FN1: variants seen among roughly 807,000 people sequenced by gnomAD.
FN1 encodes the protein fibronectin.
In FN1, 106 loss-of-function variants were observed where a neutral mutation model predicts 297.3. The observed-to-expected ratio is 0.36, with a 90% CI of 0.30 to 0.42. The LOEUF is 0.42. Ranked by LOEUF, FN1 falls within the 10% of genes least tolerant of loss-of-function variation. FN1 has a pLI of 1.00. For synonymous variants in FN1, 1,149 were observed against 1,152.6 expected (o/e 1.00, Z 0.06); for missense variants, 2,690 against 3,124.9 (o/e 0.86, Z 3.32).
At chr2:215,366,210 A>G (rs1166183766) in intron 42 of FN1, among the ~76,000 whole-genome samples, 6 of 152,102 alleles carry the variant, frequency 3.9e-5, no homozygotes, top group Non-Finnish European at 7.4e-5. Context: ...TTCTGCCACA[A>G]TCATGTCATC....
rs774454208 is a variant in FN1, at chr2:215,404,492, C to T, written c.3150G>A (p.Lys1050=). 80 of 1,613,926 alleles carry T rather than the reference C, an allele frequency of 5.0e-5. No individual in the cohort carries two copies. Among genetic ancestry groups the T allele is most frequent in the East Asian group, 1.1e-4 (5 of 44,892 alleles). ...RQYNVGPSVS[K]YPLRNLQPAS... is the part of the protein sequence containing the mutation. ...CAGGCTGCAGATTCCTCAGTGGGTA[C>T]TTGGAGACAGAGGGACCCACATTGT... Residue 1050 remains lysine (K), a synonymous_variant, in exon 20 of 46, where the codon AAG becomes AAA. Transcript: ENST00000354785.
chr2:215,423,547 C>G (rs755409160), intron 8 of FN1, 21 bp from the exon 9 acceptor site: 13 of 1,612,274 alleles, frequency 8.1e-6, no homozygotes, highest in Non-Finnish European at 9.3e-6. Context: ...CAATACACAA[C>G]AAAGAAGGAA....
chr2:215,432,098 G>T, intron 3 of FN1, 134 bp from the exon 4 acceptor site: 1 of 1,005,182 alleles, frequency 9.9e-7, no homozygotes, highest in Admixed American at 2.0e-5. Flanking sequence ...TCAGAGACAG[G>T]GGAAACGTTA....
At position 215,376,672 on chromosome 2, in the gene FN1, C is replaced by T; in HGVS notation, c.5713G>A (p.Val1905Ile). The T allele has an allele frequency of 6.2e-7, 1 of 1,613,700 alleles. No homozygotes were observed. The change falls in exon 36 of 46, where the codon GTC becomes ATC. Residue 1905 changes from valine (V) to isoleucine (I), a missense_variant and splice_region_variant. This residue lies in a region of FN1 where 1,743 missense variants were observed against 1,945.2 expected (regional missense o/e 0.90). Coordinates refer to ENST00000354785, the MANE Select transcript of FN1 (RefSeq NM_212482.4). ...ACACGAGCCCTTCTTGGTGGGCTGACATCTGCACAGGAGCATAGCTAGAGA... is the reference window on the plus strand; with the variant it reads ...ACACGAGCCCTTCTTGGTGGGCTGATATCTGCACAGGAGCATAGCTAGAGA... ...AQGVVTTLENVSPPRRARVTD... is the reference protein window; with the variant it reads ...AQGVVTTLENISPPRRARVTD...
intron 8 of FN1, among the ~76,000 whole-genome samples, 184 bp downstream of exon 8, chr2:215,423,962 A>C (rs934519646): frequency 2.0e-5 from 3 of 152,180 alleles, no homozygotes; most frequent in Non-Finnish European, 4.4e-5. Flanking sequence ...ATTTCCCAAC[A>C]GTACTGGGGA....
Position 215,430,082 on chromosome 2 carries a change from G to C in FN1, c.685+633C>G, listed in dbSNP as rs185286754. 2.0e-5 allele frequency among the ~76,000 whole-genome samples: 3 copies of C among 152,300 alleles called. No homozygotes were observed. In the East Asian group the frequency reaches 5.8e-4, roughly 29 times the overall value. ...GAATTTGGATGATGGCTATGTTAAA[G>C]GTAGTTAAATGGGTTCAGCTAGATA... On this transcript the variant is annotated intron_variant, in intron 5 of 45. Coordinates refer to ENST00000354785, the MANE Select transcript of FN1 (RefSeq NM_212482.4).
chr2:215,401,228 AAG>A (rs1491517601), intron 20 of FN1, among the ~76,000 whole-genome samples: 1 of 64,964 alleles, frequency 1.5e-5, no homozygotes, highest in Non-Finnish European at 3.5e-5. Flanking sequence ...GAAAGAAAGA[AAG>A]AAAGAAAGAA....
intron 25 of FN1, 192 bp downstream of exon 25, chr2:215,392,739 A>G (rs1209103106): frequency 4.6e-6 from 3 of 649,120 alleles, no homozygotes; most frequent in South Asian, 1.8e-5. Context: ...GAGTGTACTG[A>G]AGAATACTTG....
Position 215,371,898 on chromosome 2 carries a change from C to T in FN1, c.6714+11G>A, listed in dbSNP as rs749333751. On this transcript the variant is annotated intron_variant, in intron 40 of 45. Transcript: ENST00000354785. ...GCTGCCCCATGAGAAGTGAAGAGAA[C>T]AATTAATTACCTGTAAGGGTTCTTC... The T allele has an allele frequency of 6.2e-7, 1 of 1,603,268 alleles. No homozygotes were observed. Among genetic ancestry groups the T allele is most frequent in the South Asian group, 1.1e-5 (1 of 90,884 alleles).
chr2:215,383,538 TG>T, intron 30 of FN1, 55 bp from the exon 31 acceptor site: 1 of 1,576,136 alleles, frequency 6.3e-7, no homozygotes, highest in Non-Finnish European at 8.7e-7. Flanking sequence ...GAGACAAGAT[TG>T]GACAAGTCCT....
In FN1 at chr2:215,393,183, G is replaced by C; in HGVS notation, c.3817C>G (p.Leu1273Val). The change falls in exon 25 of 46, where the codon CTA becomes GTA. Residue 1273 changes from leucine to valine, a missense_variant. Around this residue, in one of 3 missense-constraint regions of FN1, gnomAD observed 1,743 missense variants for 1,945.2 expected, o/e 0.90. Transcript: ENST00000354785. ...GAATCGGTTATATCAACAAAGCTTA[G>C]GTCAGTGAGTTGGGGCACCTCTATT... Reference protein sequence around the residue: ...IIPEVPQLTDLSFVDITDSSI... With the variant: ...IIPEVPQLTDVSFVDITDSSI... 2 of 1,613,856 alleles carry C rather than the reference G, an allele frequency of 1.2e-6. No homozygotes were observed. Among genetic ancestry groups the C allele is most frequent in the Non-Finnish European group, 1.7e-6 (2 of 1,179,936 alleles).
rs376006995 is a variant in FN1 at position 215,372,315 on chromosome 2, T to C, written c.6308A>G (p.Asp2103Gly). The change falls in exon 40 of 46, where the codon GAT becomes GGT. Residue 2103 changes from aspartate (D) to glycine (G), a missense_variant. Asp to Gly is a moderately conservative substitution (Grantham distance 94, BLOSUM62 -1). Transcript: ENST00000354785. The stretch of plus-strand genomic sequence containing the variant: ...GGTCTTTTGAACTGTGGAAGGAACA[T>C]CCAAGATCTCTGGTCCATGAAGATT... ...HPNLHGPEIL[D>G]VPSTVQKTPF... 19 of 1,614,060 alleles carry C rather than the reference T, an allele frequency of 1.2e-5. No individual in the cohort carries two copies. The highest frequency in any genetic ancestry group is 1.6e-5 in the Non-Finnish European group (19 of 1,180,042).
At chr2:215,426,222 C>T (rs1438231685) in intron 6 of FN1, among the ~76,000 whole-genome samples, 2 of 142,686 alleles carry the variant, frequency 1.4e-5, no homozygotes, top group African/African-American at 5.2e-5. Context: ...AATCTCGGCT[C>T]ACTGCAAGCT....
At position 215,361,954 on chromosome 2, in the gene FN1, T is replaced by C. The variant is rs1420886473; in HGVS notation, c.7362+15A>G. 1 of 1,612,194 alleles carries C rather than the reference T, an allele frequency of 6.2e-7. No individual in the cohort carries two copies. Among genetic ancestry groups the C allele is most frequent in the Non-Finnish European group, 8.5e-7 (1 of 1,178,526 alleles). Reference sequence around the variant, plus strand: ...CTAGTATGAGGGAACACACTTGTGCTGCTAATGCACTTACAGTGTTTGTTC... The same window carrying C: ...CTAGTATGAGGGAACACACTTGTGCCGCTAATGCACTTACAGTGTTTGTTC... On this transcript the variant is annotated intron_variant, in intron 45 of 45. Coordinates refer to ENST00000354785, the MANE Select transcript of FN1 (RefSeq NM_212482.4).
At chr2:215,390,747 A>G (rs1430834103) in intron 26 of FN1, among the ~76,000 whole-genome samples, 1 of 152,202 alleles carries the variant, frequency 6.6e-6, no homozygotes, top group African/African-American at 2.4e-5. Flanking sequence ...TCTTGCCCTC[A>G]GCCACAAAGT....
chr2:215,416,396 G>A (rs2106363917), intron 12 of FN1, among the ~76,000 whole-genome samples: 2 of 152,206 alleles, frequency 1.3e-5, no homozygotes, highest in Middle Eastern at 6.8e-3. Flanking sequence ...TCAATTCCAT[G>A]CCTATCTTTG....
chr2:215,363,547 C>T (rs1251574403), intron 44 of FN1: 2 of 152,252 alleles, frequency 1.3e-5, no homozygotes, highest in Non-Finnish European at 2.9e-5. Flanking sequence ...AAGACAGGCC[C>T]CTGAACACCC....
intron 19 of FN1, 82 bp downstream of exon 19, chr2:215,406,156 T>A: frequency 7.2e-7 from 1 of 1,390,244 alleles, no homozygotes. Context: ...CACCTCTGAG[T>A]GAATGGTTTA....
In FN1 at chr2:215,404,486, T is replaced by C. The variant is rs1053238; in HGVS notation, c.3156A>G (p.Pro1052=). The part of the protein sequence containing the change: ...YNVGPSVSKY[P]LRNLQPASEY... ...CAGATGCAGGCTGCAGATTCCTCAG[T>C]GGGTACTTGGAGACAGAGGGACCCA... The change falls in exon 20 of 46, where the codon CCA becomes CCG. Residue 1052 remains proline, a synonymous_variant. Coordinates refer to ENST00000354785, the MANE Select transcript of FN1 (RefSeq NM_212482.4). 8.7e-6 allele frequency: 14 copies of C among 1,613,682 alleles called. No homozygotes were observed. Among genetic ancestry groups the C allele is most frequent in the South Asian group, 1.1e-5 (1 of 91,060 alleles).
Sources: gnomAD v4.1 joint callset for allele counts (sites outside exome capture counted in the v4.1 genomes callset) on GRCh38, gnomAD v4.1.1 for gene constraint, gnomAD v4.1.1 regional missense constraint, MANE v1.5 for transcripts, NCBI Gene and HGNC (gene_info 2026-07-23, HGNC 2026-07-21) for gene names.